The following TCEA1 variants were observed in gnomAD, a reference collection of about 807,000 sequenced individuals.
TCEA1 encodes transcription elongation factor A protein 1.
TCEA1 carries 21 observed loss-of-function variants against 43.8 expected under a neutral mutation model. The ratio of observed to expected loss-of-function variants is 0.48; its 90% CI spans 0.34 to 0.69. The LOEUF is 0.69. TCEA1 is among the 30% of genes least tolerant of loss of function. TCEA1 has a pLI of 0.01. For synonymous variants in TCEA1, 104 were observed against 117.5 expected, an observed-to-expected ratio of 0.88 and a Z score of 0.75; for missense variants, 250 against 365.1, an observed-to-expected ratio of 0.68 and a Z score of 2.57.
Position 53,967,163 on chromosome 8 carries a change from T to G in TCEA1, c.*941A>C. 4.8e-6 allele frequency: 1 copy of G among 208,438 alleles called. No individual in the cohort carries two copies. The highest frequency in any genetic ancestry group is 9.8e-6 in the Non-Finnish European group (1 of 102,080). The allele number at this position is 208,438 out of a possible 1,614,324, so 12.9% of individuals were successfully genotyped here. On this transcript the variant is annotated 3_prime_UTR_variant, in exon 10 of 10. Transcript: ENST00000521604. ...ATGGAAAGACCACAGCTTTAATGAA[T>G]TATACAATCCTTAAGATTAATCCTT...
chr8:54,013,494 C>T (rs776218395), intron 1 of TCEA1, among the ~76,000 whole-genome samples: 16 of 151,868 alleles, frequency 1.1e-4, no homozygotes, highest in Non-Finnish European at 1.6e-4. Flanking sequence ...GCCTGGCCAA[C>T]ATGGTGAAAC....
intron 9 of TCEA1, 45 bp from the exon 10 acceptor site, chr8:53,968,157 T>C (rs1260758421): frequency 1.4e-6 from 2 of 1,459,842 alleles, no homozygotes; most frequent in Admixed American, 2.0e-5. Flanking sequence ...TAAATACCAA[T>C]AAGGTACATT....
intron 4 of TCEA1, among the ~76,000 whole-genome samples, 178 bp from the exon 5 acceptor site, chr8:53,988,437 T>G (rs1803762702): frequency 6.6e-6 from 1 of 152,186 alleles, no homozygotes; most frequent in South Asian, 2.1e-4. Context: ...AGTTAAAAAT[T>G]TTACAATTTA....
chr8:54,001,240 T>C (rs1022250314), intron 2 of TCEA1, among the ~76,000 whole-genome samples: 2 of 152,020 alleles, frequency 1.3e-5, no homozygotes, highest in Admixed American at 6.6e-5. Context: ...TTCAAACATA[T>C]GGTCTATGGA....
Position 53,984,456 on chromosome 8 carries a change from T to C in TCEA1, c.585A>G (p.Ile195Met), listed in dbSNP as rs774068260. 1 of 1,604,046 alleles carries C rather than the reference T, an allele frequency of 6.2e-7. No homozygotes were observed. The highest frequency in any genetic ancestry group is 8.5e-7 in the Non-Finnish European group (1 of 1,175,086). The change falls in exon 7 of 10, where the codon ATA becomes ATG. Residue 195 changes from isoleucine (I) to methionine (M), a missense_variant. By Grantham distance (10) the Ile-to-Met change is conservative. Coordinates refer to ENST00000521604, the MANE Select transcript of TCEA1 (RefSeq NM_006756.4). The stretch of plus-strand genomic sequence containing the variant: ...GATTTTTTGCATCTTTAAGATTTGA[T>C]ATCCTACTTCGTACTCTATTTTTGT... ...MKYKNRVRSR[I>M]SNLKDAKNPN... is the part of the protein sequence containing the mutation.
chr8:54,015,146 T>G (rs1804782898), intron 1 of TCEA1, among the ~76,000 whole-genome samples: 1 of 151,852 alleles, frequency 6.6e-6, no homozygotes, highest in Non-Finnish European at 1.5e-5. Flanking sequence ...TATTATAAGA[T>G]TTCAAGGTTA....
intron 4 of TCEA1, among the ~76,000 whole-genome samples, chr8:53,992,036 G>C (rs540036697): frequency 2.0e-5 from 3 of 152,280 alleles, no homozygotes; most frequent in African/African-American, 7.2e-5. Context: ...CACGGGCTGG[G>C]TGCAGTGGCT....
chr8:53,978,594 G>A (rs78015794), intron 8 of TCEA1: 2,061 of 153,810 alleles, frequency 0.013, 37 homozygotes, highest in Non-Finnish European at 0.021. Flanking sequence ...CCTTCTGATG[G>A]ATCATCAGAA....
chr8:53,973,451 T>C, intron 8 of TCEA1: 3 of 498,484 alleles, frequency 6.0e-6, no homozygotes, highest in Admixed American at 3.0e-5. Flanking sequence ...TTGATATGAA[T>C]GACCAGTACT....
intron 1 of TCEA1, among the ~76,000 whole-genome samples, chr8:54,011,291 G>A (rs2129312737): frequency 6.6e-6 from 1 of 152,322 alleles, no homozygotes; most frequent in East Asian, 1.9e-4. Flanking sequence ...ACAAAGAGCT[G>A]TTTAAGAACA....
intron 1 of TCEA1, 33 bp downstream of exon 1, chr8:54,022,030 T>C: frequency 6.4e-7 from 1 of 1,555,780 alleles, no homozygotes; most frequent in Non-Finnish European, 8.7e-7. Context: ...CGGCCCGGCC[T>C]CCCTCCCGGC....
In TCEA1 at chr8:53,984,003, G is replaced by A. The variant is rs570628566; in HGVS notation, c.678+360C>T. Among the ~76,000 whole-genome samples the A allele has an allele frequency of 6.8e-4, 103 of 151,620 alleles. 1 individual carries two copies. The highest frequency in any genetic ancestry group is 2.4e-3 in the African/African-American group (100 of 41,360). ...TAATCCCATCTACTTGGGAGGCTGA[G>A]GCAGGAGAATCGCTTGAACCCAGGA... On this transcript the variant is annotated intron_variant, in intron 7 of 9. Transcript: ENST00000521604.
chr8:54,021,385 A>C (rs1397071379), intron 1 of TCEA1: 2 of 152,176 alleles, frequency 1.3e-5, no homozygotes, highest in African/African-American at 4.8e-5. Context: ...AATACCCAAC[A>C]ATATAATTTG....
At chr8:54,022,038 G>A (rs1158119985) in intron 1 of TCEA1, 25 bp downstream of exon 1, 2 of 1,575,076 alleles carry the variant, frequency 1.3e-6, no homozygotes, top group Non-Finnish European at 1.7e-6. Context: ...CCTCCCTCCC[G>A]GCCCGCGCCG....
chr8:53,976,969 G>A (rs1803350791), intron 8 of TCEA1, among the ~76,000 whole-genome samples: 1 of 152,226 alleles, frequency 6.6e-6, no homozygotes, highest in South Asian at 2.1e-4. Context: ...TTACATGTCT[G>A]TAAACAGTAG....
Position 53,986,995 on chromosome 8 carries a change from T to G in TCEA1, c.497A>C (p.Glu166Ala), listed in dbSNP as rs1803708575. The change falls in exon 6 of 10, where the codon GAA (glutamate) becomes GCA (alanine). Residue 166 changes from glutamate (E) to alanine (A), a missense_variant. Around this residue, in one of 4 missense-constraint regions of TCEA1, gnomAD observed 147 missense variants for 160.3 expected, o/e 0.92. Transcript: ENST00000521604. ...DDYIAIGADEEELGSQIEEAI... is the reference protein window; with the variant it reads ...DDYIAIGADEAELGSQIEEAI... ...TTCTTCAATTTGAGATCCTAATTCT[T>G]CCTCATCAGCTCCAATTGCAATGTA... 6.2e-7 allele frequency: 1 copy of G among 1,601,000 alleles called. No individual in the cohort carries two copies. The highest frequency in any genetic ancestry group is 1.7e-5 in the Admixed American group (1 of 57,836).
chr8:53,988,385 T>C lies in TCEA1; in HGVS notation c.321-126A>G, dbSNP rs1227602091. 4 of 1,141,370 alleles carry C rather than the reference T, an allele frequency of 3.5e-6. No individual in the cohort carries two copies. The East Asian group carries it at 1.0e-4, about 29-fold the overall frequency. 70.7% of individuals were successfully genotyped at this position (1,141,370 alleles called of 1,614,324 possible). A position where few individuals can be genotyped will look rare whatever the true frequency, so the allele number is the denominator to read the frequency against. On this transcript the variant is annotated intron_variant, in intron 4 of 9. Transcript: ENST00000521604. ...AATGACACAGTATCTCAGTGACCTT[T>C]ATGTGATGGAAAAAAAATTGCCTGC...
intron 2 of TCEA1, among the ~76,000 whole-genome samples, chr8:54,008,910 C>T (rs1333661971): frequency 2.7e-5 from 4 of 147,772 alleles, no homozygotes; most frequent in Non-Finnish European, 4.5e-5. Flanking sequence ...AGTGCAGTGG[C>T]GCAATCTCAG....
At chr8:54,019,465 G>A (rs1022795566) in intron 1 of TCEA1, among the ~76,000 whole-genome samples, 1 of 151,734 alleles carries the variant, frequency 6.6e-6, no homozygotes, top group Non-Finnish European at 1.5e-5. Flanking sequence ...AGCTTCTAGG[G>A]AGGCTGAGGC....
Sources: allele counts gnomAD v4.1 joint callset (sites outside exome capture counted in the v4.1 genomes callset), GRCh38; gene constraint gnomAD v4.1.1; regional missense constraint gnomAD v4.1.1; transcripts MANE v1.5; gene names NCBI Gene and HGNC (gene_info 2026-07-23, HGNC 2026-07-21).